Variants in BBS2 observed in about 807,000 individuals in gnomAD.
BBS2 encodes the protein Bardet-Biedl syndrome 2.
Under a neutral mutation model 83.0 loss-of-function variants are expected in BBS2, and 62 were observed. That is an observed-to-expected ratio of 0.75 (90% CI 0.61 to 0.92). The LOEUF (loss-of-function observed/expected upper bound fraction) is 0.92, where lower values mean the gene tolerates loss of function less well. Among genes scored for constraint, BBS2 ranks in the 40% least tolerant of loss-of-function variants. The pLI, the probability that BBS2 is intolerant of heterozygous loss-of-function variation, is 0.00. For missense variants in BBS2, 784 were observed against 901.0 expected (o/e 0.87, Z 1.66); for synonymous variants, 303 against 326.1 (o/e 0.93, Z 0.76).
At chr16:56,507,845 G>T (rs1259233833) in intron 5 of BBS2, among the ~76,000 whole-genome samples, 2 of 152,142 alleles carry the variant, frequency 1.3e-5, no homozygotes, top group Non-Finnish European at 2.9e-5. Context: ...GCAGGTGCCT[G>T]TAATCCCAGC....
chr16:56,509,536 A>G (rs987801374), intron 5 of BBS2: 13 of 184,552 alleles, frequency 7.0e-5, no homozygotes, highest in African/African-American at 2.9e-4. Flanking sequence ...AAACCAGAAC[A>G]CCATTTTCCT....
intron 2 of BBS2, among the ~76,000 whole-genome samples, chr16:56,512,522 A>G (rs1964608947): frequency 6.6e-6 from 1 of 152,222 alleles, no homozygotes; most frequent in African/African-American, 2.4e-5. Flanking sequence ...GGAATATACT[A>G]TTTTTGTTGC....
rs1964874598 is a variant in BBS2, at chr16:56,519,925, A to C, written c.-63T>G. 4 of 1,437,556 alleles carry C rather than the reference A, an allele frequency of 2.8e-6. No individual in the cohort carries two copies. In the Admixed American group the frequency reaches 5.1e-5, roughly 18 times the overall value. 89.1% of individuals were successfully genotyped at this position (1,437,556 alleles called of 1,614,324 possible). A position where few individuals can be genotyped will look rare whatever the true frequency, so the allele number is the denominator to read the frequency against. On this transcript the variant is annotated 5_prime_UTR_variant, in exon 1 of 17. Coordinates refer to ENST00000245157, the MANE Select transcript of BBS2 (RefSeq NM_031885.5). ...AGACAAGCGCAGCGGAGCTGGCCTCACGCGCCCGGGCAAGAAGTGCAGGGA... is the reference window on the plus strand; with the variant it reads ...AGACAAGCGCAGCGGAGCTGGCCTCCCGCGCCCGGGCAAGAAGTGCAGGGA...
chr16:56,517,440 C>T (rs1399812244), intron 1 of BBS2, among the ~76,000 whole-genome samples: 8 of 152,204 alleles, frequency 5.3e-5, no homozygotes, highest in Admixed American at 2.0e-4. Context: ...GCCTGCAAGG[C>T]GCTTATCCCA....
chr16:56,499,794 G>A lies in BBS2; in HGVS notation c.1511C>T (p.Ala504Val), dbSNP rs16957538. The stretch of plus-strand genomic sequence containing the variant: ...GATACTCACCCTCTGTGCCCGTTCT[G>A]CAATGGTAAAGTTAACATAACTGAT... ...EPISYVNFTI[A>V]ERAQRVVVWL... Residue 504 changes from alanine (A) to valine (V), a missense_variant, in exon 12 of 17, where the codon GCA becomes GTA. Ala to Val is a moderately conservative substitution (Grantham distance 64, BLOSUM62 0). Transcript: ENST00000245157. 5,884 of 1,614,112 alleles carry A rather than the reference G, an allele frequency of 3.6e-3. 175 individuals carry two copies. The African/African-American group carries it at 0.065, about 18-fold the overall frequency.
At chr16:56,476,193 C>T in intron 17 of BBS2, 2 of 1,611,486 alleles carry the variant, frequency 1.2e-6, no homozygotes, top group African/African-American at 1.3e-5. Flanking sequence ...TTTCATTCAT[C>T]TATTATGAAT....
At chr16:56,478,324 A>G (rs1425168341) in intron 17 of BBS2, 1 of 152,090 alleles carries the variant, frequency 6.6e-6, no homozygotes, top group African/African-American at 2.4e-5. Flanking sequence ...ATACCCAGCT[A>G]ATTTTTTTAT....
Position 56,485,966 on chromosome 16 carries a change from A to G in BBS2, c.1911-228T>C, listed in dbSNP as rs558858140. Among the ~76,000 whole-genome samples, 3 of 152,310 alleles carry G rather than the reference A, an allele frequency of 2.0e-5. No homozygotes were observed. The East Asian group carries it at 5.8e-4, about 29-fold the overall frequency. On this transcript the variant is annotated intron_variant, in intron 15 of 16. Transcript: ENST00000245157. Reference sequence around the variant, plus strand: ...AGTGGCCTTCCTTGGTTACTGGTCAATGGTTGATTTAGGTGGTTAAGAATT... The same window carrying G: ...AGTGGCCTTCCTTGGTTACTGGTCAGTGGTTGATTTAGGTGGTTAAGAATT...
At position 56,519,733 on chromosome 16, in the gene BBS2, T is replaced by C; in HGVS notation, c.117+13A>G. 6.3e-7 allele frequency: 1 copy of C among 1,597,574 alleles called. No homozygotes were observed. The highest frequency in any genetic ancestry group is 1.1e-5 in the South Asian group (1 of 90,754). On this transcript the variant is annotated intron_variant, in intron 1 of 16. Transcript: ENST00000245157. ...CCCTGGGGCCCGGGCTCCCTGCGGG[T>C]GGGAGCGGTTACCTTGCCCGTTTGG... is the stretch of plus-strand genomic sequence containing the variant.
intron 1 of BBS2, among the ~76,000 whole-genome samples, chr16:56,517,358 C>A (rs1171276635): frequency 6.6e-6 from 1 of 152,228 alleles, no homozygotes; most frequent in African/African-American, 2.4e-5. Context: ...CCAGCCCCAG[C>A]GGCTTCCTTG....
In BBS2 at chr16:56,502,695, G is replaced by A; in HGVS notation, c.918C>T (p.Ile306=). 1 of 1,614,132 alleles carries A rather than the reference G, an allele frequency of 6.2e-7. No individual in the cohort carries two copies. Among genetic ancestry groups the A allele is most frequent in the Non-Finnish European group, 8.5e-7 (1 of 1,180,026 alleles). The change falls in exon 8 of 17, where the codon ATC becomes ATT. Residue 306 remains isoleucine, a synonymous_variant. Coordinates refer to ENST00000245157, the MANE Select transcript of BBS2 (RefSeq NM_031885.5). Reference sequence around the variant, plus strand: ...TACTTTCCCCATCCACTGAGCAGCAGATTAACTGTATGTGGCCATCCATCC... The same window carrying A: ...TACTTTCCCCATCCACTGAGCAGCAAATTAACTGTATGTGGCCATCCATCC... The part of the protein sequence containing the change: ...DYRMDGHIQL[I]CCSVDGEIRG...
chr16:56,516,699 T>C (rs777706066), intron 1 of BBS2, among the ~76,000 whole-genome samples: 2 of 152,138 alleles, frequency 1.3e-5, no homozygotes, highest in Non-Finnish European at 2.9e-5. Flanking sequence ...CGGCCAGAGA[T>C]TCCTTTTAAA....
downstream of BBS2, among the ~76,000 whole-genome samples, chr16:56,483,077 C>T (rs1035029826): frequency 2.0e-5 from 3 of 152,130 alleles, no homozygotes; most frequent in Admixed American, 6.5e-5. Context: ...CTTATACACA[C>T]CTAGATGGTA....
At chr16:56,475,914 G>C in intron 17 of BBS2, 1 of 786,878 alleles carries the variant, frequency 1.3e-6, no homozygotes, top group Non-Finnish European at 2.0e-6. Context: ...CCTAGTAAGT[G>C]TTCATTCAGA....
intron 7 of BBS2, among the ~76,000 whole-genome samples, chr16:56,504,623 C>T (rs1342368815): frequency 2.6e-5 from 4 of 152,080 alleles, no homozygotes; most frequent in African/African-American, 9.7e-5. Context: ...CTTTTTCATG[C>T]TCAGGAACGC....
chr16:56,499,005 C>A (rs2144136755), intron 12 of BBS2: 2 of 292,240 alleles, frequency 6.8e-6, no homozygotes, highest in South Asian at 6.6e-5. Context: ...ATGAAGTATA[C>A]ATGGGCAAAC....
At chr16:56,492,721 G>A (rs1963992858) in intron 15 of BBS2, among the ~76,000 whole-genome samples, 1 of 152,160 alleles carries the variant, frequency 6.6e-6, no homozygotes, top group African/African-American at 2.4e-5. Context: ...CCTGGAGTAT[G>A]CCCACAAACT....
At chr16:56,502,094 T>C (rs1964291899) in intron 9 of BBS2, 1 of 638,350 alleles carries the variant, frequency 1.6e-6, no homozygotes, top group Non-Finnish European at 2.8e-6. Flanking sequence ...AAATAAATAG[T>C]GCTGCAGGAA....
At chr16:56,480,010 G>A (rs1287907859), downstream of BBS2, among the ~76,000 whole-genome samples, 1 of 152,246 alleles carries the variant, frequency 6.6e-6, no homozygotes, top group African/African-American at 2.4e-5. Flanking sequence ...GAAGAGAACA[G>A]CCTTACAGAG....
Sources: gnomAD v4.1 joint callset for allele counts (sites outside exome capture counted in the v4.1 genomes callset) on GRCh38, gnomAD v4.1.1 for gene constraint, MANE v1.5 for transcripts, NCBI Gene and HGNC (gene_info 2026-07-23, HGNC 2026-07-21) for gene names.